The following ZNF479 variants were observed in gnomAD, a reference collection of about 807,000 sequenced individuals.
ZNF479 encodes the protein KRAB zinc finger protein KR19.
In ZNF479, 15 loss-of-function variants were observed where a neutral mutation model predicts 14.7. The observed-to-expected ratio is 1.02, with a 90% CI of 0.68 to 1.57. ZNF479 has a LOEUF of 1.57. Among genes scored for constraint, ZNF479 ranks in the 40% most tolerant of loss-of-function variants. The pLI, the probability that ZNF479 is intolerant of heterozygous loss-of-function variation, is 0.00. For synonymous variants in ZNF479, 145 were observed against 211.5 expected (o/e 0.69, Z 2.73); for missense variants, 506 against 615.1 (o/e 0.82, Z 1.88).
intron 3 of ZNF479, 88 bp from the exon 4 acceptor site, chr7:57,121,240 T>C: frequency 4.5e-6 from 7 of 1,556,608 alleles, no homozygotes; most frequent in East Asian, 2.3e-5. Flanking sequence ...TTACACAAGG[T>C]ACATTAGCAA....
chr7:57,129,598 C>A (rs1295043725), intron 1 of ZNF479, among the ~76,000 whole-genome samples: 1 of 152,128 alleles, frequency 6.6e-6, no homozygotes, highest in Non-Finnish European at 1.5e-5. Flanking sequence ...CCTGGGAAAC[C>A]TGTACACATG....
intron 1 of ZNF479, chr7:57,127,531 T>C: frequency 2.0e-6 from 2 of 984,346 alleles, no homozygotes; most frequent in Non-Finnish European, 2.4e-6. Flanking sequence ...GTTTCTAGCC[T>C]AGTAAGAATA....
chr7:57,134,703 C>A (rs1786569739), upstream of ZNF479, among the ~76,000 whole-genome samples: 1 of 131,330 alleles, frequency 7.6e-6, no homozygotes, highest in African/African-American at 2.8e-5. Flanking sequence ...GAGACAGCAT[C>A]CTGCTCTGTC....
rs782752264 is a variant in ZNF479 at position 57,120,947 on chromosome 7, T to C, written c.468A>G (p.Ile156Met). ...NQCLSTTQNK[I>M]FQTHKYVKVF... ...CTTTGACATATTTATGAGTCTGAAA[T>C]ATTTTGTTTTGGGTAGTTGACAAAC... The change falls in exon 4 of 4, where the codon ATA becomes ATG. Residue 156 changes from isoleucine (I) to methionine (M), a missense_variant. Coordinates refer to ENST00000319636, the MANE Select transcript of ZNF479 (RefSeq NM_001370129.2). The C allele has an allele frequency of 1.2e-5, 20 of 1,614,006 alleles. No homozygotes were observed. In the Admixed American group the frequency reaches 3.2e-4, roughly 26 times the overall value.
chr7:57,126,549 G>C (rs542661151), intron 2 of ZNF479, 43 bp downstream of exon 2: 1 of 1,567,126 alleles, frequency 6.4e-7, no homozygotes, highest in South Asian at 1.2e-5. Flanking sequence ...TTAGAAAAGA[G>C]AAAAGCAATA....
In ZNF479 at chr7:57,120,886, T is replaced by C. The variant is rs1785907939; in HGVS notation, c.529A>G (p.Thr177Ala). 6.2e-7 allele frequency: 1 copy of C among 1,613,932 alleles called. No homozygotes were observed. The highest frequency in any genetic ancestry group is 1.1e-5 in the South Asian group (1 of 91,070). ...AAATGTTTATTTCCAGTATATCTTGTTTTATCTCTATTGGAATTTGAAAAT... is the reference window on the plus strand; with the variant it reads ...AAATGTTTATTTCCAGTATATCTTGCTTTATCTCTATTGGAATTTGAAAAT... Reference protein sequence around the residue: ...GKFSNSNRDKTRYTGNKHFKC... With the variant: ...GKFSNSNRDKARYTGNKHFKC... Residue 177 changes from threonine (T) to alanine (A), a missense_variant, in exon 4 of 4, where the codon ACA (threonine) becomes GCA (alanine). Physicochemically the swap from Thr to Ala is moderately conservative, Grantham distance 58. Around this residue, in one of 3 missense-constraint regions of ZNF479, gnomAD observed 420 missense variants for 474.2 expected, o/e 0.89. Coordinates refer to ENST00000319636, the MANE Select transcript of ZNF479 (RefSeq NM_001370129.2).
upstream of ZNF479, among the ~76,000 whole-genome samples, chr7:57,132,939 A>T (rs1644111672): frequency 6.6e-6 from 1 of 152,016 alleles, no homozygotes; most frequent in African/African-American, 2.4e-5. Flanking sequence ...AGTTCGAGAC[A>T]GGCCTGGCAA....
rs144337899 is a variant in ZNF479 at position 57,117,716 on chromosome 7, C to T, written c.*2124G>A. ...AATTTATTGCATTTTATTACATAAA[C>T]GTACAATTGATAAAAAACAATCTCT... On this transcript the variant is annotated 3_prime_UTR_variant, in exon 4 of 4. Transcript: ENST00000319636. Among the ~76,000 whole-genome samples the T allele has an allele frequency of 0.021, 3,252 of 152,276 alleles. 59 individuals carry two copies. Among genetic ancestry groups the T allele is most frequent in the African/African-American group, 0.071 (2,968 of 41,520 alleles).
intron 1 of ZNF479, among the ~76,000 whole-genome samples, chr7:57,128,024 T>C (rs1220429626): frequency 6.6e-6 from 1 of 151,470 alleles, no homozygotes; most frequent in Non-Finnish European, 1.5e-5. Context: ...CAACCTCAAC[T>C]TCCTGAGTTC....
In ZNF479 at chr7:57,119,242, C is replaced by T. The variant is rs1242605849; in HGVS notation, c.*598G>A. ...GTTAACAGCTTTACCACATTCTTTGCTTTTGTAGAGTTTCTCTCTAGAATG... is the reference window on the plus strand; with the variant it reads ...GTTAACAGCTTTACCACATTCTTTGTTTTTGTAGAGTTTCTCTCTAGAATG... On this transcript the variant is annotated 3_prime_UTR_variant, in exon 4 of 4. Transcript: ENST00000319636. Among the ~76,000 whole-genome samples the T allele has an allele frequency of 2.6e-5, 4 of 152,112 alleles. No individual in the cohort carries two copies. The highest frequency in any genetic ancestry group is 9.7e-5 in the African/African-American group (4 of 41,434).
intron 1 of ZNF479, among the ~76,000 whole-genome samples, chr7:57,127,877 T>C (rs887366393): frequency 6.6e-6 from 1 of 151,292 alleles, no homozygotes; most frequent in Non-Finnish European, 1.5e-5. Flanking sequence ...TGCTGTGGCA[T>C]TTCTCTCCTC....
chr7:57,134,424 A>C (rs932319330), upstream of ZNF479, among the ~76,000 whole-genome samples: 14 of 152,190 alleles, frequency 9.2e-5, no homozygotes, highest in African/African-American at 3.4e-4. Context: ...GAGTTACCTT[A>C]CATGGTCTAA....
chr7:57,125,473 CA>C, intron 3 of ZNF479, among the ~76,000 whole-genome samples: 1 of 150,948 alleles, frequency 6.6e-6, no homozygotes, highest in Non-Finnish European at 1.5e-5. Context: ...CCCCCCACAG[CA>C]AGTGGGGGGA....
rs1180506030 is a variant in ZNF479, at chr7:57,119,091, C to T, written c.*749G>A. On this transcript the variant is annotated 3_prime_UTR_variant, in exon 4 of 4. Transcript: ENST00000319636. ...ATTTTTTTCTGCAATTGCAGGGTTT[C>T]TCTCCAATATCAATTATCTTACATT... Among the ~76,000 whole-genome samples the T allele has an allele frequency of 6.6e-6, 1 of 152,174 alleles. No homozygotes were observed. The highest frequency in any genetic ancestry group is 1.9e-4 in the East Asian group (1 of 5,192).
At chr7:57,138,329 C>A (rs1464049167) in intron 1 of ZNF479, among the ~76,000 whole-genome samples, 2 of 152,168 alleles carry the variant, frequency 1.3e-5, no homozygotes, top group African/African-American at 2.4e-5. Flanking sequence ...TCTATAAAGT[C>A]TTTGAGTGAT....
intron 3 of ZNF479, among the ~76,000 whole-genome samples, chr7:57,123,580 T>A (rs533077185): frequency 6.6e-6 from 1 of 152,210 alleles, no homozygotes; most frequent in Admixed American, 6.5e-5. Flanking sequence ...ACAGGTGTAA[T>A]CCCAGCAGTT....
intron 1 of ZNF479, among the ~76,000 whole-genome samples, chr7:57,138,882 G>A (rs967878284): frequency 6.6e-6 from 1 of 152,210 alleles, no homozygotes; most frequent in Non-Finnish European, 1.5e-5. Flanking sequence ...TCGGTCACAT[G>A]TGGATTGAGC....
At chr7:57,125,037 C>A (rs1313777044) in intron 3 of ZNF479, among the ~76,000 whole-genome samples, 1 of 151,968 alleles carries the variant, frequency 6.6e-6, no homozygotes, top group Non-Finnish European at 1.5e-5. Flanking sequence ...CACCATTGCC[C>A]TTGTTGCCTG....
intron 3 of ZNF479, 113 bp from the exon 4 acceptor site, chr7:57,121,265 A>T (rs1467194902): frequency 2.3e-6 from 2 of 885,600 alleles, no homozygotes; most frequent in Non-Finnish European, 3.5e-6. Context: ...CCATATCAAA[A>T]TACCACAGGC....
Sources: gnomAD v4.1 joint callset for allele counts (sites outside exome capture counted in the v4.1 genomes callset) on GRCh38, gnomAD v4.1.1 for gene constraint, gnomAD v4.1.1 regional missense constraint, MANE v1.5 for transcripts, NCBI Gene and HGNC (gene_info 2026-07-23, HGNC 2026-07-21) for gene names.